Variants in KLHL1 observed in about 807,000 individuals in gnomAD.
KLHL1 encodes kelch-like protein 1.
A neutral mutation model predicts 77.7 loss-of-function variants in KLHL1; 47 were observed. The ratio of observed to expected loss-of-function variants is 0.60; its 90% CI spans 0.48 to 0.77. The LOEUF is 0.77. Ranked by LOEUF, KLHL1 falls within the 30% of genes least tolerant of loss-of-function variation. KLHL1 has a pLI of 0.00. For synonymous variants in KLHL1, 360 were observed against 325.2 expected, an observed-to-expected ratio of 1.11 and a Z score of -1.15; for missense variants, 925 against 910.8, an observed-to-expected ratio of 1.02 and a Z score of -0.20.
chr13:69,818,403 T>A (rs1172538758), intron 6 of KLHL1, among the ~76,000 whole-genome samples: 1 of 151,856 alleles, frequency 6.6e-6, no homozygotes, highest in Non-Finnish European at 1.5e-5. Context: ...CTGTTTTTAG[T>A]AGAGATGGGG....
intron 1 of KLHL1, among the ~76,000 whole-genome samples, chr13:70,061,638 C>T (rs1181299247): frequency 6.6e-6 from 1 of 152,114 alleles, no homozygotes; most frequent in African/African-American, 2.4e-5. Flanking sequence ...CCATTCCCCA[C>T]CCTGTGAATT....
chr13:69,737,143 C>T (rs1473059197), intron 8 of KLHL1, among the ~76,000 whole-genome samples: 2 of 152,186 alleles, frequency 1.3e-5, no homozygotes, highest in Non-Finnish European at 2.9e-5. Context: ...GCTACCCCTC[C>T]TTGAAAACTA....
chr13:69,936,881 A>G (rs919689144), intron 4 of KLHL1, among the ~76,000 whole-genome samples: 7 of 152,164 alleles, frequency 4.6e-5, no homozygotes, highest in African/African-American at 1.4e-4. Flanking sequence ...TCAGCCTGCA[A>G]CAGTGGGGTA....
At chr13:69,854,754 G>T (rs773801993) in intron 5 of KLHL1, among the ~76,000 whole-genome samples, 13 of 151,748 alleles carry the variant, frequency 8.6e-5, no homozygotes, top group Non-Finnish European at 1.9e-4. Context: ...ATTATAATTG[G>T]TTCTTACATA....
chr13:69,815,018 T>TAAATAAAATA (rs113801002), intron 6 of KLHL1, among the ~76,000 whole-genome samples: 3 of 151,376 alleles, frequency 2.0e-5, no homozygotes, highest in Admixed American at 2.0e-4. Context: ...TCTAAAAAAA[T>TAAATAAAATA]AAATAAAATA....
At chr13:69,821,289 C>A (rs539460368) in intron 6 of KLHL1, among the ~76,000 whole-genome samples, 9 of 151,934 alleles carry the variant, frequency 5.9e-5, no homozygotes, top group Middle Eastern at 3.4e-3. Flanking sequence ...GTTCATTCAT[C>A]GTAATAATTT....
intron 7 of KLHL1, among the ~76,000 whole-genome samples, chr13:69,780,542 C>T (rs756012094): frequency 4.6e-5 from 7 of 150,678 alleles, no homozygotes; most frequent in African/African-American, 9.7e-5. Context: ...TCTAGTCTAA[C>T]GAGTTATATT....
intron 8 of KLHL1, among the ~76,000 whole-genome samples, chr13:69,736,110 G>C (rs1323402708): frequency 6.6e-6 from 1 of 152,106 alleles, no homozygotes; most frequent in African/African-American, 2.4e-5. Flanking sequence ...AACGCACAGA[G>C]CGGAAGAAAA....
At chr13:70,010,836 G>T (rs1885516281) in intron 1 of KLHL1, among the ~76,000 whole-genome samples, 1 of 151,694 alleles carries the variant, frequency 6.6e-6, no homozygotes, top group African/African-American at 2.4e-5. Context: ...AGGTTGCAGT[G>T]AGCCAAGATT....
At chr13:69,972,089 G>A (rs1054857409) in intron 2 of KLHL1, among the ~76,000 whole-genome samples, 2 of 152,020 alleles carry the variant, frequency 1.3e-5, no homozygotes, top group South Asian at 4.1e-4. Flanking sequence ...TGAAAGAAAT[G>A]TTATTCCTCT....
intron 5 of KLHL1, among the ~76,000 whole-genome samples, chr13:69,872,540 G>T (rs898404036): frequency 2.6e-5 from 4 of 152,034 alleles, no homozygotes; most frequent in Admixed American, 6.6e-5. Flanking sequence ...CACTGTGTCT[G>T]TGCAACTAGG....
chr13:70,012,985 G>A (rs2439672), intron 1 of KLHL1, among the ~76,000 whole-genome samples: 1 of 151,916 alleles, frequency 6.6e-6, no homozygotes, highest in Non-Finnish European at 1.5e-5. Context: ...ATCACTTGTC[G>A]TTTAATTTTT....
intron 1 of KLHL1, among the ~76,000 whole-genome samples, chr13:70,101,423 GTATATA>G (rs1181113182): frequency 6.6e-6 from 1 of 151,508 alleles, no homozygotes; most frequent in South Asian, 2.1e-4. Flanking sequence ...TTCAATAGCC[GTATATA>G]TATATAATTT....
At chr13:69,846,914 TA>T (rs1879486021) in intron 5 of KLHL1, among the ~76,000 whole-genome samples, 1 of 151,462 alleles carries the variant, frequency 6.6e-6, no homozygotes, top group Admixed American at 6.6e-5. Flanking sequence ...TATTGCTTTA[TA>T]AAAATAGGAT....
At chr13:69,807,345 C>T (rs879680167) in intron 6 of KLHL1, among the ~76,000 whole-genome samples, 1 of 152,076 alleles carries the variant, frequency 6.6e-6, no homozygotes, top group African/African-American at 2.4e-5. Context: ...ATGGCAGCAG[C>T]TGCTGCCTAG....
chr13:69,764,604 CA>C (rs1441419184), intron 7 of KLHL1, among the ~76,000 whole-genome samples: 1 of 152,022 alleles, frequency 6.6e-6, no homozygotes, highest in African/African-American at 2.4e-5. Context: ...TTCCAAGAAA[CA>C]AAAGATTTTG....
intron 10 of KLHL1, among the ~76,000 whole-genome samples, chr13:69,705,677 G>A (rs1472575143): frequency 6.6e-6 from 1 of 151,596 alleles, no homozygotes; most frequent in Non-Finnish European, 1.5e-5. Context: ...AAATCTTAAA[G>A]TAACTTAACA....
rs758706872 is a variant in KLHL1, at chr13:70,107,692, C to T, written c.8G>A (p.Gly3Asp). 5.9e-6 allele frequency: 9 copies of T among 1,524,486 alleles called. No homozygotes were observed. In the African/African-American group the frequency reaches 1.1e-4, roughly 19 times the overall value. 94.4% of individuals were successfully genotyped at this position (1,524,486 alleles called of 1,614,324 possible). The change falls in exon 1 of 11, where the codon GGC becomes GAC. Residue 3 changes from glycine (G) to aspartate (D), a missense_variant. Gly to Asp is a moderately conservative substitution (Grantham distance 94). Transcript: ENST00000377844. MS[G>D]SGRKDFDVKH... ...CACATCGAAGTCTTTTCGCCCAGAG[C>T]CTGACATGCTTTACGCACAGAAGGC...
At chr13:69,854,608 G>C (rs1159641111) in intron 5 of KLHL1, among the ~76,000 whole-genome samples, 1 of 151,988 alleles carries the variant, frequency 6.6e-6, no homozygotes, top group Non-Finnish European at 1.5e-5. Flanking sequence ...TAGATAAACA[G>C]AAGTTTATAT....
Sources: allele counts gnomAD v4.1 joint callset (sites outside exome capture counted in the v4.1 genomes callset), GRCh38; gene constraint gnomAD v4.1.1; transcripts MANE v1.5; gene names NCBI Gene and HGNC (gene_info 2026-07-23, HGNC 2026-07-21).